EPB41L5: variants seen among roughly 807,000 people sequenced by gnomAD.
The protein encoded by EPB41L5 is band 4.1-like protein 5.
EPB41L5 carries 55 observed loss-of-function variants against 106.6 expected under a neutral mutation model. The ratio of observed to expected loss-of-function variants is 0.52; its 90% CI spans 0.42 to 0.65. The LOEUF is 0.65. Among genes scored for constraint, EPB41L5 ranks in the 30% least tolerant of loss-of-function variants. EPB41L5 has a pLI of 0.00. For synonymous variants in EPB41L5, 297 were observed against 306.7 expected (o/e 0.97, Z 0.33); for missense variants, 871 against 882.1 (o/e 0.99, Z 0.16).
At chr2:120,074,430 T>A (rs1480912075) in intron 5 of EPB41L5, 1 of 347,978 alleles carries the variant, frequency 2.9e-6, no homozygotes, top group African/African-American at 2.1e-5. Flanking sequence ...TTTTTAAGTA[T>A]CACTCTCAAC....
At chr2:120,137,797 C>T (rs1255609953) in intron 18 of EPB41L5, among the ~76,000 whole-genome samples, 1 of 152,060 alleles carries the variant, frequency 6.6e-6, no homozygotes, top group African/African-American at 2.4e-5. Context: ...AATACCTATC[C>T]TACTCAAACT....
At chr2:120,154,325 A>AT (rs1175145694) in intron 20 of EPB41L5, among the ~76,000 whole-genome samples, 1,516 of 144,458 alleles carry the variant, frequency 0.01, 24 homozygotes, top group African/African-American at 0.034. Context: ...TGCCCGGCTA[A>AT]TTTTTTTTTT....
At chr2:120,093,313 A>G in intron 14 of EPB41L5, 37 bp downstream of exon 14, 2 of 1,586,102 alleles carry the variant, frequency 1.3e-6, no homozygotes, top group Non-Finnish European at 1.7e-6. Flanking sequence ...TTGGTATAGA[A>G]TTTGGGATTT....
intron 21 of EPB41L5, among the ~76,000 whole-genome samples, chr2:120,161,824 G>T (rs756587566): frequency 4.6e-5 from 7 of 152,088 alleles, no homozygotes; most frequent in African/African-American, 7.2e-5. Flanking sequence ...GTGCACACGA[G>T]GGATCTAGGT....
chr2:120,085,599 A>C (rs1008449223), intron 10 of EPB41L5, among the ~76,000 whole-genome samples: 10 of 152,216 alleles, frequency 6.6e-5, no homozygotes, highest in Middle Eastern at 3.4e-3. Flanking sequence ...TCAGATCTCA[A>C]ACTCCGTGCT....
Position 120,031,735 on chromosome 2 carries a change from A to G in EPB41L5, c.181-10271A>G, listed in dbSNP as rs552055025. Reference sequence around the variant, plus strand: ...ACAAGTCTATGCTGGCTTTACACTAATTAGAATTATGGGTACAAGATAGTA... The same window carrying G: ...ACAAGTCTATGCTGGCTTTACACTAGTTAGAATTATGGGTACAAGATAGTA... On this transcript the variant is annotated intron_variant, in intron 2 of 24. Transcript: ENST00000263713. 7.2e-5 allele frequency among the ~76,000 whole-genome samples: 11 copies of G among 152,284 alleles called. No individual in the cohort carries two copies. The South Asian group carries it at 2.3e-3, about 32-fold the overall frequency.
intron 3 of EPB41L5, among the ~76,000 whole-genome samples, chr2:120,070,115 A>T (rs1037546114): frequency 6.6e-6 from 1 of 152,178 alleles, no homozygotes; most frequent in African/African-American, 2.4e-5. Flanking sequence ...AATAGAGAAT[A>T]ATCAAATAGA....
chr2:120,150,683 A>G (rs892270538), intron 20 of EPB41L5, among the ~76,000 whole-genome samples: 13 of 151,838 alleles, frequency 8.6e-5, no homozygotes, highest in Non-Finnish European at 1.8e-4. Context: ...TAATCCCATG[A>G]CAGATTACCC....
chr2:120,019,408 G>A (rs2105121774), intron 2 of EPB41L5, 144 bp downstream of exon 2: 2 of 670,286 alleles, frequency 3.0e-6, no homozygotes, highest in Non-Finnish European at 2.4e-6. Context: ...TAACATTCAG[G>A]TACATGGATC....
chr2:120,111,035 T>C (rs2105426936), intron 16 of EPB41L5, among the ~76,000 whole-genome samples: 1 of 152,274 alleles, frequency 6.6e-6, no homozygotes, highest in African/African-American at 2.4e-5. Context: ...AAATTAACAT[T>C]GGTACAATAC....
intron 10 of EPB41L5, among the ~76,000 whole-genome samples, chr2:120,083,200 G>GT: frequency 6.6e-6 from 1 of 152,150 alleles, no homozygotes; most frequent in East Asian, 1.9e-4. Context: ...TGATGTTAGG[G>GT]TGTCAGTTTT....
chr2:120,100,399 A>G (rs1341492889), intron 15 of EPB41L5, 113 bp downstream of exon 15: 3 of 1,011,898 alleles, frequency 3.0e-6, no homozygotes, highest in Non-Finnish European at 4.5e-6. Context: ...AATTATGTGC[A>G]TTTTCTTTTC....
At chr2:120,042,225 T>C in intron 3 of EPB41L5, 115 bp downstream of exon 3, 2 of 669,640 alleles carry the variant, frequency 3.0e-6, no homozygotes, top group East Asian at 5.9e-5. Context: ...GATATAAAGC[T>C]TTGACACCGC....
chr2:120,020,796 A>G (rs1321647769), intron 2 of EPB41L5, among the ~76,000 whole-genome samples: 2 of 146,486 alleles, frequency 1.4e-5, no homozygotes, highest in Non-Finnish European at 3.0e-5. Context: ...ACAAGCTGAT[A>G]GTAGGAGAGT....
At chr2:120,142,411 A>AT (rs1686213863) in intron 18 of EPB41L5, among the ~76,000 whole-genome samples, 2 of 151,978 alleles carry the variant, frequency 1.3e-5, no homozygotes, top group South Asian at 4.1e-4. Flanking sequence ...TTGTTCTTTG[A>AT]TGAGCAGTAC....
intron 2 of EPB41L5, among the ~76,000 whole-genome samples, chr2:120,041,360 C>T (rs565871604): frequency 1.2e-3 from 183 of 152,220 alleles, no homozygotes; most frequent in African/African-American, 4.3e-3. Context: ...CTTGGAAACC[C>T]TCGGTGATCA....
chr2:120,174,866 G>A lies in EPB41L5; in HGVS notation c.2161G>A (p.Ala721Thr), dbSNP rs757553072. 3 of 1,614,182 alleles carry A rather than the reference G, an allele frequency of 1.9e-6. No individual in the cohort carries two copies. In the South Asian group the frequency reaches 3.3e-5, roughly 18 times the overall value. ...TSSGPILAEEAVLKQKCLLTT... is the reference protein window; with the variant it reads ...TSSGPILAEETVLKQKCLLTT... ...CTCTGGTCCCATTTTGGCAGAAGAA[G>A]CTGTCCTGAAGCAGAAGTGTTTACT... The change falls in exon 25 of 25, where the codon GCT (alanine) becomes ACT (threonine). Residue 721 changes from alanine to threonine, a missense_variant. Coordinates refer to ENST00000263713, the MANE Select transcript of EPB41L5 (RefSeq NM_020909.4).
chr2:120,164,977 C>A, intron 22 of EPB41L5, 67 bp downstream of exon 22: 1 of 1,180,666 alleles, frequency 8.5e-7, no homozygotes, highest in Non-Finnish European at 1.2e-6. Context: ...CTGCTAGATT[C>A]CAGTTTTTTC....
At chr2:120,077,118 T>C (rs778816120) in intron 8 of EPB41L5, 27 bp downstream of exon 8, 1 of 1,604,630 alleles carries the variant, frequency 6.2e-7, no homozygotes, top group Non-Finnish European at 8.5e-7. Flanking sequence ...CATACTTTCT[T>C]TAAAATCACC....
Sources: allele counts gnomAD v4.1 joint callset (sites outside exome capture counted in the v4.1 genomes callset), GRCh38; gene constraint gnomAD v4.1.1; transcripts MANE v1.5; gene names NCBI Gene and HGNC (gene_info 2026-07-23, HGNC 2026-07-21).